The following KCNN2 variants were observed in gnomAD, a reference collection of about 807,000 sequenced individuals.
The protein encoded by KCNN2 is small conductance calcium-activated potassium channel protein 2.
Under a neutral mutation model 55.5 loss-of-function variants are expected in KCNN2, and 24 were observed. The observed-to-expected ratio is 0.43, with a 90% confidence interval of 0.31 to 0.61. The LOEUF (loss-of-function observed/expected upper bound fraction) is 0.61, where lower values mean the gene tolerates loss of function less well. Among genes scored for constraint, KCNN2 ranks in the 20% least tolerant of loss-of-function variants. The pLI, the probability that KCNN2 is intolerant of heterozygous loss-of-function variation, is 0.08. For missense variants in KCNN2, 754 were observed against 853.6 expected, an observed-to-expected ratio of 0.88 and a Z score of 1.45; for synonymous variants, 431 against 336.1, an observed-to-expected ratio of 1.28 and a Z score of -3.09.
chr5:114,178,850 AT>A (rs1436788839), intron 1 of KCNN2, among the ~76,000 whole-genome samples: 3 of 152,132 alleles, frequency 2.0e-5, no homozygotes, highest in African/African-American at 7.2e-5. Context: ...GGGTTGACAT[AT>A]TTTCTCAGTT....
chr5:114,215,227 G>A (rs1172011778), intron 1 of KCNN2, among the ~76,000 whole-genome samples: 1 of 152,128 alleles, frequency 6.6e-6, no homozygotes, highest in Non-Finnish European at 1.5e-5. Context: ...AGAATATAGA[G>A]TTGTCAGCTG....
chr5:114,453,505 A>G (rs924724552), intron 3 of KCNN2, among the ~76,000 whole-genome samples: 4 of 152,196 alleles, frequency 2.6e-5, no homozygotes, highest in African/African-American at 9.7e-5. Context: ...TATTTCGTAT[A>G]CATATTCTCA....
At chr5:114,245,136 A>C (rs1163733673) in intron 2 of KCNN2, among the ~76,000 whole-genome samples, 1 of 152,246 alleles carries the variant, frequency 6.6e-6, no homozygotes, top group Non-Finnish European at 1.5e-5. Flanking sequence ...CCTTAAAATA[A>C]TAAAAGAAGA....
intron 1 of KCNN2, among the ~76,000 whole-genome samples, chr5:114,143,697 C>T (rs147438589): frequency 1.3e-5 from 2 of 152,324 alleles, no homozygotes; most frequent in East Asian, 3.9e-4. Context: ...ACTTCATGTG[C>T]CGTTGGCTCA....
intron 2 of KCNN2, among the ~76,000 whole-genome samples, chr5:114,308,110 T>C (rs1170927552): frequency 1.3e-5 from 2 of 152,148 alleles, no homozygotes; most frequent in Non-Finnish European, 2.9e-5. Flanking sequence ...TGCTGAAGTT[T>C]CTCCTATCTA....
intron 2 of KCNN2, among the ~76,000 whole-genome samples, chr5:114,225,862 A>T (rs1328260719): frequency 6.6e-6 from 1 of 152,232 alleles, no homozygotes. Flanking sequence ...TCAGAAAGAT[A>T]ATCATCCACG....
chr5:114,076,981 C>A (rs1352544346), intron 1 of KCNN2, among the ~76,000 whole-genome samples: 2 of 152,202 alleles, frequency 1.3e-5, no homozygotes, highest in African/African-American at 2.4e-5. Flanking sequence ...AGGCATGAGC[C>A]ACCGCGCCCG....
At chr5:114,264,070 C>A (rs566461391) in intron 2 of KCNN2, among the ~76,000 whole-genome samples, 8 of 152,300 alleles carry the variant, frequency 5.3e-5, no homozygotes, top group Non-Finnish European at 5.9e-5. Flanking sequence ...AGAAAACATA[C>A]TTCCAATTAG....
chr5:114,262,817 C>T (rs1755134606), intron 2 of KCNN2, among the ~76,000 whole-genome samples: 1 of 152,042 alleles, frequency 6.6e-6, no homozygotes, highest in Non-Finnish European at 1.5e-5. Flanking sequence ...AGCTGTATGA[C>T]CTGGAAAAAA....
At chr5:114,425,451 A>C (rs914904236) in intron 3 of KCNN2, among the ~76,000 whole-genome samples, 1 of 152,126 alleles carries the variant, frequency 6.6e-6, no homozygotes. Flanking sequence ...TGACCTTCCC[A>C]GCTTAGTTTA....
chr5:114,256,217 G>A (rs79773546), intron 2 of KCNN2, among the ~76,000 whole-genome samples: 7,186 of 151,596 alleles, frequency 0.047, 209 homozygotes, highest in South Asian at 0.073. Flanking sequence ...CATGGTATGG[G>A]TGTGTGTGTA....
chr5:114,446,812 T>A (rs1031836285), intron 3 of KCNN2, among the ~76,000 whole-genome samples: 1 of 152,096 alleles, frequency 6.6e-6, no homozygotes, highest in African/African-American at 2.4e-5. Flanking sequence ...TGAAGCAGGA[T>A]AATTGCTTGA....
intron 2 of KCNN2, among the ~76,000 whole-genome samples, chr5:114,368,064 A>G (rs1046484881): frequency 2.6e-5 from 4 of 151,902 alleles, no homozygotes; most frequent in Admixed American, 2.0e-4. Flanking sequence ...TTTTTTTTCC[A>G]GTAAATATAG....
chr5:114,450,505 C>T (rs1760624765), intron 3 of KCNN2, among the ~76,000 whole-genome samples: 1 of 152,196 alleles, frequency 6.6e-6, no homozygotes, highest in South Asian at 2.1e-4. Flanking sequence ...CTGGTTAAAA[C>T]ATTGTTCTGG....
At position 114,496,381 on chromosome 5, in the gene KCNN2, T is replaced by C; in HGVS notation, c.*199T>C. ...CTTTCAGATGCACAGGGAATGCACC[T>C]ATTATTGCTATATAGATTGTTCCTC... On this transcript the variant is annotated 3_prime_UTR_variant, in exon 8 of 8. Coordinates refer to ENST00000673685, the MANE Select transcript of KCNN2 (RefSeq NM_021614.4). The C allele has an allele frequency of 1.8e-6, 1 of 570,218 alleles. No individual in the cohort carries two copies. Among genetic ancestry groups the C allele is most frequent in the Non-Finnish European group, 3.1e-6 (1 of 325,764 alleles). The allele number at this position is 570,218 out of a possible 1,614,324, so 35.3% of individuals were successfully genotyped here.
chr5:114,075,942 CAAAG>C (rs1365435103), intron 1 of KCNN2, among the ~76,000 whole-genome samples: 2 of 152,160 alleles, frequency 1.3e-5, no homozygotes, highest in African/African-American at 4.8e-5. Flanking sequence ...GTGAGACCAA[CAAAG>C]AAACACCTAG....
intron 2 of KCNN2, among the ~76,000 whole-genome samples, chr5:114,244,080 G>A (rs1754699949): frequency 6.6e-6 from 1 of 152,144 alleles, no homozygotes; most frequent in South Asian, 2.1e-4. Flanking sequence ...ATGTGAGAAT[G>A]CTTCTGAATG....
chr5:114,129,483 C>T (rs1289730047), intron 1 of KCNN2, among the ~76,000 whole-genome samples: 1 of 152,152 alleles, frequency 6.6e-6, no homozygotes, highest in Non-Finnish European at 1.5e-5. Flanking sequence ...GAAAACATAG[C>T]TGCTAAATTC....
At chr5:114,393,821 T>G (rs1423281003) in intron 2 of KCNN2, among the ~76,000 whole-genome samples, 5 of 152,096 alleles carry the variant, frequency 3.3e-5, no homozygotes, top group East Asian at 3.8e-4. Context: ...TATCTCTTTT[T>G]AATAGCATAT....
Sources: allele counts gnomAD v4.1 joint callset (sites outside exome capture counted in the v4.1 genomes callset), GRCh38; gene constraint gnomAD v4.1.1; transcripts MANE v1.5; gene names NCBI Gene and HGNC (gene_info 2026-07-23, HGNC 2026-07-21).